Variants in TNR observed in about 807,000 individuals in gnomAD.
TNR encodes the protein tenascin-R.
In TNR, 45 loss-of-function variants were observed where a neutral mutation model predicts 150.4. The observed-to-expected ratio is 0.30, with a 90% CI of 0.24 to 0.38. TNR has a LOEUF of 0.38. Ranked by LOEUF, TNR falls within the 10% of genes least tolerant of loss-of-function variation. The pLI, the probability that TNR is intolerant of heterozygous loss-of-function variation, is 1.00. For synonymous variants in TNR, 687 were observed against 678.4 expected (o/e 1.01, Z -0.20); for missense variants, 1,544 against 1,759.1 (o/e 0.88, Z 2.19).
Position 175,478,081 on chromosome 1 carries a change from G to A in TNR, c.-64+50188C>T, listed in dbSNP as rs538167411. Among the ~76,000 whole-genome samples the A allele has an allele frequency of 9.8e-5, 15 of 152,294 alleles. No homozygotes were observed. In the East Asian group the frequency reaches 2.7e-3, roughly 27 times the overall value. On this transcript the variant is annotated intron_variant, in intron 2 of 22. Transcript: ENST00000367674. ...AGAAATTAAATATGCTGCAAATAGA[G>A]GGGCACACATTTTATTCTCAACTAA...
At chr1:175,373,220 G>A (rs1314665600) in intron 9 of TNR, among the ~76,000 whole-genome samples, 1 of 152,148 alleles carries the variant, frequency 6.6e-6, no homozygotes, top group East Asian at 1.9e-4. Context: ...AACAGGGCAT[G>A]CAAAGGCAGC....
At chr1:175,359,245 A>C (rs2102008964) in intron 15 of TNR, among the ~76,000 whole-genome samples, 1 of 141,906 alleles carries the variant, frequency 7.0e-6, no homozygotes, top group Non-Finnish European at 1.5e-5. Context: ...TCCTGGGTTC[A>C]AGTGATTCTC....
rs200053413 is a variant in TNR at position 175,356,452 on chromosome 1, C to T, written c.2985G>A (p.Glu995=). 9.2e-5 allele frequency: 148 copies of T among 1,613,748 alleles called. No individual in the cohort carries two copies. Among genetic ancestry groups the T allele is most frequent in the Non-Finnish European group, 8.7e-5 (103 of 1,179,866 alleles). ...CACTGACTCCGTCAACAAGGATGGT[C>T]TCTCCAGCGACTGAACTCAAATGAA... ...IVLTHFAVAG[E]TILVDGVSEE... Residue 995 remains glutamate, a synonymous_variant, in exon 16 of 23, where the codon GAG becomes GAA. Coordinates refer to ENST00000367674, the MANE Select transcript of TNR (RefSeq NM_003285.3).
intron 1 of TNR, among the ~76,000 whole-genome samples, chr1:175,641,099 A>T (rs1664643639): frequency 6.6e-6 from 1 of 152,214 alleles, no homozygotes. Flanking sequence ...ATAAAAAGAT[A>T]AACTATAGAG....
intron 1 of TNR, among the ~76,000 whole-genome samples, chr1:175,588,485 G>A (rs935639968): frequency 3.3e-5 from 5 of 152,022 alleles, no homozygotes; most frequent in Non-Finnish European, 7.4e-5. Context: ...GTAGCTGCTG[G>A]GATTATCACA....
chr1:175,369,719 C>T (rs1484807429), intron 9 of TNR, among the ~76,000 whole-genome samples: 1 of 152,152 alleles, frequency 6.6e-6, no homozygotes, highest in African/African-American at 2.4e-5. Context: ...AATGGGACAT[C>T]CTATTACTTC....
chr1:175,663,403 G>A (rs1665437875), intron 1 of TNR, among the ~76,000 whole-genome samples: 1 of 152,202 alleles, frequency 6.6e-6, no homozygotes, highest in East Asian at 1.9e-4. Flanking sequence ...GCACAGGCAG[G>A]CAGAGGACTG....
chr1:175,649,207 C>T (rs184081692), intron 1 of TNR, among the ~76,000 whole-genome samples: 9 of 152,296 alleles, frequency 5.9e-5, no homozygotes, highest in Admixed American at 2.6e-4. Context: ...TCAGCACACC[C>T]AGCAAATCTG....
intron 18 of TNR, 34 bp downstream of exon 18, chr1:175,354,357 A>G (rs761629778): frequency 6.2e-7 from 1 of 1,608,320 alleles, no homozygotes; most frequent in South Asian, 1.1e-5. Flanking sequence ...CAGGAAGTGG[A>G]GAAGAAGGCA....
chr1:175,516,611 G>C (rs931962048), intron 2 of TNR, among the ~76,000 whole-genome samples: 2 of 152,174 alleles, frequency 1.3e-5, no homozygotes, highest in Admixed American at 6.5e-5. Flanking sequence ...CTCCCTTCTG[G>C]GTTTCTGTTT....
intron 2 of TNR, among the ~76,000 whole-genome samples, chr1:175,464,201 G>A (rs1656934338): frequency 6.6e-6 from 1 of 152,180 alleles, no homozygotes; most frequent in African/African-American, 2.4e-5. Context: ...ATAAGACAAA[G>A]CCCAATTGCA....
intron 7 of TNR, among the ~76,000 whole-genome samples, chr1:175,386,902 G>A (rs1295729380): frequency 3.9e-5 from 6 of 152,184 alleles, no homozygotes; most frequent in Admixed American, 3.9e-4. Flanking sequence ...TGCTTCTCTG[G>A]ATAAAAGGAT....
chr1:175,490,153 G>A (rs1479277115), intron 2 of TNR, among the ~76,000 whole-genome samples: 1 of 152,148 alleles, frequency 6.6e-6, no homozygotes, highest in African/African-American at 2.4e-5. Flanking sequence ...AATGGTTCTG[G>A]GAGAACTGGC....
At chr1:175,378,970 G>A (rs1031725469) in intron 9 of TNR, among the ~76,000 whole-genome samples, 3 of 152,144 alleles carry the variant, frequency 2.0e-5, no homozygotes, top group Admixed American at 6.5e-5. Flanking sequence ...ACCTGAGGTC[G>A]GGAGTTTGTG....
At chr1:175,427,379 ATAT>A (rs937069976) in intron 2 of TNR, among the ~76,000 whole-genome samples, 2 of 152,168 alleles carry the variant, frequency 1.3e-5, no homozygotes, top group African/African-American at 4.8e-5. Flanking sequence ...ATATAGCTAA[ATAT>A]TATTATTTTG....
At chr1:175,323,560 G>A (rs1649181345) in intron 22 of TNR, 84 bp from the exon 23 acceptor site, 2 of 1,558,114 alleles carry the variant, frequency 1.3e-6, no homozygotes, top group Admixed American at 1.8e-5. Flanking sequence ...ATGGGAACAG[G>A]GAATCCACAA....
At chr1:175,565,032 C>T (rs879398890) in intron 1 of TNR, among the ~76,000 whole-genome samples, 6 of 152,246 alleles carry the variant, frequency 3.9e-5, no homozygotes, top group African/African-American at 9.6e-5. Flanking sequence ...TATGACATAG[C>T]ATCCAAGGCT....
intron 12 of TNR, among the ~76,000 whole-genome samples, chr1:175,364,271 A>G (rs1036220985): frequency 6.6e-6 from 1 of 151,670 alleles, no homozygotes; most frequent in Non-Finnish European, 1.5e-5. Context: ...GGGATTTCAG[A>G]GCACAAGTCC....
At chr1:175,688,324 G>A (rs916235458) in intron 1 of TNR, among the ~76,000 whole-genome samples, 1 of 152,212 alleles carries the variant, frequency 6.6e-6, no homozygotes, top group African/African-American at 2.4e-5. Context: ...AATCAGCCCT[G>A]ACTTAAGAAG....
Sources: allele counts gnomAD v4.1 joint callset (sites outside exome capture counted in the v4.1 genomes callset), GRCh38; gene constraint gnomAD v4.1.1; transcripts MANE v1.5; gene names NCBI Gene and HGNC (gene_info 2026-07-23, HGNC 2026-07-21).